Variants in GABRG3 observed in about 807,000 individuals in gnomAD.
GABRG3 encodes gamma-aminobutyric acid type A receptor subunit gamma3.
Under a neutral mutation model 48.8 loss-of-function variants are expected in GABRG3, and 25 were observed. That is an observed-to-expected ratio of 0.51 (90% confidence interval 0.37 to 0.72). The LOEUF is 0.72. Ranked by LOEUF, GABRG3 falls within the 30% of genes least tolerant of loss-of-function variation. GABRG3 has a pLI of 0.00. For missense variants in GABRG3, 394 were observed against 577.9 expected, an observed-to-expected ratio of 0.68 and a Z score of 3.26; for synonymous variants, 227 against 217.6, an observed-to-expected ratio of 1.04 and a Z score of -0.38.
chr15:27,146,653 G>T (rs1898215209), intron 3 of GABRG3, among the ~76,000 whole-genome samples: 1 of 152,106 alleles, frequency 6.6e-6, no homozygotes, highest in Non-Finnish European at 1.5e-5. Context: ...TAGCACAAAA[G>T]TGAAGAGGGA....
At chr15:27,390,018 T>G (rs1896173629) in intron 5 of GABRG3, among the ~76,000 whole-genome samples, 1 of 152,190 alleles carries the variant, frequency 6.6e-6, no homozygotes, top group Non-Finnish European at 1.5e-5. Context: ...TTAAAGAATG[T>G]TTACAAATAT....
intron 3 of GABRG3, among the ~76,000 whole-genome samples, chr15:27,262,173 G>T (rs776640003): frequency 1.3e-5 from 2 of 152,212 alleles, no homozygotes; most frequent in Admixed American, 6.5e-5. Flanking sequence ...AGAAGGAAAG[G>T]TCACGTGCAC....
intron 3 of GABRG3, among the ~76,000 whole-genome samples, chr15:27,316,827 G>GT (rs539807454): frequency 9.3e-4 from 140 of 150,662 alleles, no homozygotes; most frequent in Non-Finnish European, 1.6e-3. Flanking sequence ...TTTTGGTGTG[G>GT]TTTTTTTTTC....
At chr15:27,248,767 AACACACACAC>A (rs150140195) in intron 3 of GABRG3, among the ~76,000 whole-genome samples, 9 of 117,086 alleles carry the variant, frequency 7.7e-5, no homozygotes, top group African/African-American at 1.1e-4. Flanking sequence ...TGAGAAGGAA[AACACACACAC>A]ACACACACAC....
chr15:27,028,119 T>G (rs1896016167), intron 3 of GABRG3, among the ~76,000 whole-genome samples: 1 of 152,206 alleles, frequency 6.6e-6, no homozygotes, highest in Non-Finnish European at 1.5e-5. Context: ...ACGGGAATTT[T>G]CATGTGGAAA....
intron 3 of GABRG3, among the ~76,000 whole-genome samples, chr15:27,135,209 G>A (rs1019140443): frequency 1.3e-5 from 2 of 152,182 alleles, no homozygotes; most frequent in African/African-American, 4.8e-5. Flanking sequence ...TTTGATAGAT[G>A]GGATTGATAT....
intron 4 of GABRG3, 66 bp from the exon 5 acceptor site, chr15:27,328,740 C>T (rs1369208409): frequency 5.5e-5 from 76 of 1,391,818 alleles, no homozygotes; most frequent in Non-Finnish European, 7.2e-5. Context: ...CATGGGGTGC[C>T]GTAACGGCCG....
intron 3 of GABRG3, among the ~76,000 whole-genome samples, chr15:27,161,605 G>C (rs1052672115): frequency 1.3e-5 from 2 of 152,106 alleles, no homozygotes; most frequent in African/African-American, 4.8e-5. Flanking sequence ...TTATTTAAAA[G>C]TCATATACAT....
chr15:27,011,118 C>T (rs1013107035), intron 2 of GABRG3, among the ~76,000 whole-genome samples: 6 of 152,136 alleles, frequency 3.9e-5, no homozygotes, highest in Non-Finnish European at 5.9e-5. Context: ...CTTCCCGCCT[C>T]GGCCTCCCAA....
intron 5 of GABRG3, among the ~76,000 whole-genome samples, chr15:27,390,506 A>G (rs975088378): frequency 6.6e-6 from 1 of 152,182 alleles, no homozygotes; most frequent in Non-Finnish European, 1.5e-5. Flanking sequence ...CAATAAACCT[A>G]TAATGCCCAG....
intron 3 of GABRG3, among the ~76,000 whole-genome samples, chr15:27,062,006 C>T (rs1378789276): frequency 6.6e-6 from 1 of 152,186 alleles, no homozygotes; most frequent in Admixed American, 6.5e-5. Context: ...GTCCACTGAC[C>T]CTATACTTTG....
intron 5 of GABRG3, among the ~76,000 whole-genome samples, chr15:27,436,271 A>C (rs1337779817): frequency 6.6e-6 from 1 of 152,124 alleles, no homozygotes; most frequent in Non-Finnish European, 1.5e-5. Context: ...CTCTTCTTAT[A>C]ATAAGGGCAC....
At chr15:27,503,521 CT>C (rs1031088896) in intron 6 of GABRG3, among the ~76,000 whole-genome samples, 1 of 152,050 alleles carries the variant, frequency 6.6e-6, no homozygotes, top group East Asian at 1.9e-4. Flanking sequence ...TTTTTTTTCC[CT>C]TTTTTTCACT....
intron 3 of GABRG3, among the ~76,000 whole-genome samples, chr15:27,173,574 G>C (rs1887642099): frequency 6.6e-6 from 1 of 151,994 alleles, no homozygotes; most frequent in African/African-American, 2.4e-5. Flanking sequence ...AGAAAATTTT[G>C]TTATGAAACA....
At chr15:27,171,745 C>T (rs2140411158) in intron 3 of GABRG3, among the ~76,000 whole-genome samples, 1 of 152,196 alleles carries the variant, frequency 6.6e-6, no homozygotes, top group African/African-American at 2.4e-5. Flanking sequence ...ATGTGTGGTG[C>T]CTGCTTGAGC....
chr15:27,443,305 C>T (rs1264109758), intron 5 of GABRG3, among the ~76,000 whole-genome samples: 2 of 152,162 alleles, frequency 1.3e-5, no homozygotes, highest in Non-Finnish European at 2.9e-5. Flanking sequence ...ATTGAGAATT[C>T]AAAAGCAATG....
intron 3 of GABRG3, among the ~76,000 whole-genome samples, chr15:27,221,417 A>G (rs1185844939): frequency 6.6e-6 from 1 of 152,140 alleles, no homozygotes; most frequent in Non-Finnish European, 1.5e-5. Flanking sequence ...TTTGAAAAAG[A>G]GTTGAGGAAA....
chr15:27,461,990 T>TTGTC (rs1160849423), intron 5 of GABRG3, among the ~76,000 whole-genome samples: 2 of 152,218 alleles, frequency 1.3e-5, no homozygotes, highest in African/African-American at 4.8e-5. Flanking sequence ...AACATGCCCA[T>TTGTC]TGTCTGCCAT....
chr15:27,339,372 T>C (rs371126516), intron 5 of GABRG3, among the ~76,000 whole-genome samples: 1 of 152,236 alleles, frequency 6.6e-6, no homozygotes, highest in East Asian at 1.9e-4. Context: ...ATCAAGCTGT[T>C]GCCCTGGGAA....
Sources: allele counts gnomAD v4.1 joint callset (sites outside exome capture counted in the v4.1 genomes callset), GRCh38; gene constraint gnomAD v4.1.1; transcripts MANE v1.5; gene names NCBI Gene and HGNC (gene_info 2026-07-23, HGNC 2026-07-21).